Variants in GIT2 observed in about 807,000 individuals in gnomAD.
GIT2 encodes ARF GTPase-activating protein GIT2.
A neutral mutation model predicts 100.3 loss-of-function variants in GIT2; 32 were observed. That is an observed-to-expected ratio of 0.32 (90% CI 0.24 to 0.43). The LOEUF (loss-of-function observed/expected upper bound fraction) is 0.43. Among genes scored for constraint, GIT2 ranks in the 20% least tolerant of loss-of-function variants. GIT2 has a pLI of 1.00. For missense variants in GIT2, 737 were observed against 975.1 expected, an observed-to-expected ratio of 0.76 and a Z score of 3.25; for synonymous variants, 353 against 364.1, an observed-to-expected ratio of 0.97 and a Z score of 0.35.
Position 109,948,149 on chromosome 12 carries a change from C to T in GIT2, c.1393-645G>A. On this transcript the variant is annotated intron_variant, in intron 14 of 19. Coordinates refer to ENST00000355312, the MANE Select transcript of GIT2 (RefSeq NM_057169.5). The surrounding 1 kb of genome is among the most constrained non-coding windows in gnomAD (Gnocchi z 4.3). ...AAAAAAAAAAAGAAAAAAGAGAAAA[C>T]CGGATCATGGTAAGTTTGCTATATT... 1 of 964,780 alleles carries T rather than the reference C, an allele frequency of 1.0e-6. No homozygotes were observed. The highest frequency in any genetic ancestry group is 1.2e-6 in the Non-Finnish European group (1 of 811,370). The allele number at this position is 964,780 out of a possible 1,614,324, so 59.8% of individuals were successfully genotyped here.
In GIT2 at chr12:109,947,555, A is replaced by G; in HGVS notation, c.1393-51T>C. 2 of 1,555,690 alleles carry G rather than the reference A, an allele frequency of 1.3e-6. No individual in the cohort carries two copies. Among genetic ancestry groups the G allele is most frequent in the Admixed American group, 1.8e-5 (1 of 57,046 alleles). Reference sequence around the variant, plus strand: ...CTGTGTTTTTTTACAGCAAGCAGAAAAAGCAAACACCAAGTAAATGAATAC... The same window carrying G: ...CTGTGTTTTTTTACAGCAAGCAGAAGAAGCAAACACCAAGTAAATGAATAC... On this transcript the variant is annotated intron_variant, in intron 14 of 19. Transcript: ENST00000355312. This position sits in a 1 kb window ranked among gnomAD's most constrained non-coding sequence, Gnocchi z 4.3.
chr12:109,998,655 A>C (rs375842463), upstream of GIT2: 40 of 152,314 alleles, frequency 2.6e-4, 1 homozygote, highest in African/African-American at 8.9e-4. Flanking sequence ...CAAATCCAAA[A>C]AGCTAGCTTA....
At chr12:109,974,215 C>T (rs778388368) in intron 7 of GIT2, among the ~76,000 whole-genome samples, 2 of 152,000 alleles carry the variant, frequency 1.3e-5, no homozygotes, top group East Asian at 3.9e-4. Context: ...CCTCTTAGAT[C>T]GATGGATTAG....
In GIT2 at chr12:109,932,760, A is replaced by G. The variant is rs1871866030; in HGVS notation, c.*218T>C. 1.2e-5 allele frequency: 6 copies of G among 519,682 alleles called. No homozygotes were observed. The highest frequency in any genetic ancestry group is 1.1e-4 in the South Asian group (5 of 43,508). 32.2% of individuals were successfully genotyped at this position (519,682 alleles called of 1,614,324 possible). On this transcript the variant is annotated 3_prime_UTR_variant, in exon 20 of 20. Transcript: ENST00000355312. ...GTTGTTGACAACACAACCGAACATC[A>G]GAAACTAAACCAGCAAATAGGCACA...
intron 3 of GIT2, 21 bp from the exon 4 acceptor site, chr12:109,989,089 A>G (rs770027898): frequency 2.1e-6 from 3 of 1,402,928 alleles, no homozygotes; most frequent in Admixed American, 3.3e-5. Flanking sequence ...AACAAAAAAG[A>G]AAACAGTTCA....
rs536575022 is a variant in GIT2, at chr12:109,994,064, G to A, written c.52+2109C>T. Among the ~76,000 whole-genome samples the A allele has an allele frequency of 6.5e-5, 8 of 122,594 alleles. No homozygotes were observed. In the East Asian group the frequency reaches 1.8e-3, roughly 27 times the overall value. 80.4% of individuals were successfully genotyped at this position (122,594 alleles called of 152,430 possible). On this transcript the variant is annotated intron_variant, in intron 1 of 19. Transcript: ENST00000355312. ...ACACTGCTTCCTGCAGTATAGTACT[G>A]ACACTAATGGCAAAAAAAAAAAAAA...
Position 109,938,404 on chromosome 12 carries a change from G to C in GIT2, c.1979C>G (p.Ala660Gly). The C allele has an allele frequency of 6.2e-7, 1 of 1,613,452 alleles. No homozygotes were observed. Among genetic ancestry groups the C allele is most frequent in the Non-Finnish European group, 8.5e-7 (1 of 1,179,596 alleles). The stretch of plus-strand genomic sequence containing the variant: ...CCTGTCATGTTTATTTTCTTGGGCT[G>C]CTCTTAAGAGCTCCTGTATGTTTTT... ...ITKNIQELLRAAQENKHDSYI... is the reference protein window; with the variant it reads ...ITKNIQELLRGAQENKHDSYI... Residue 660 changes from alanine (A) to glycine (G), a missense_variant, in exon 18 of 20, where the codon GCA becomes GGA. By Grantham distance (60) the Ala-to-Gly change is moderately conservative. This residue lies in a region of GIT2 where 451 missense variants were observed against 543.7 expected (regional missense o/e 0.83). Transcript: ENST00000355312.
chr12:109,941,979 C>T (rs1204179760), intron 16 of GIT2, among the ~76,000 whole-genome samples: 1 of 152,018 alleles, frequency 6.6e-6, no homozygotes, highest in African/African-American at 2.4e-5. Flanking sequence ...CCCGTGCCAC[C>T]ACGCTTGGCT....
chr12:109,974,830 A>G (rs561426723), intron 7 of GIT2, among the ~76,000 whole-genome samples: 32 of 152,290 alleles, frequency 2.1e-4, no homozygotes, highest in Admixed American at 1.4e-3. Context: ...TTTTCTATCT[A>G]CTAGTTCTAT....
chr12:109,941,865 G>T (rs1006052302), intron 16 of GIT2, among the ~76,000 whole-genome samples: 2 of 149,010 alleles, frequency 1.3e-5, no homozygotes, highest in East Asian at 3.9e-4. Flanking sequence ...TCACTCTGTC[G>T]CCTAGGCTAA....
chr12:109,988,124 G>A (rs1045380928), intron 4 of GIT2, among the ~76,000 whole-genome samples: 3 of 152,054 alleles, frequency 2.0e-5, no homozygotes, highest in Non-Finnish European at 4.4e-5. Context: ...CTATTTCAAA[G>A]TTAAACAAAC....
Position 109,959,915 on chromosome 12 carries a change from G to A in GIT2, c.1031C>T (p.Thr344Met), listed in dbSNP as rs749372501. Residue 344 changes from threonine (T) to methionine (M), a missense_variant, in exon 12 of 20, where the codon ACG becomes ATG. This residue lies in a region of GIT2 where 451 missense variants were observed against 543.7 expected (regional missense o/e 0.83). Transcript: ENST00000355312. ...LARFNAHEFATLVIDILSDAK... is the reference protein window; with the variant it reads ...LARFNAHEFAMLVIDILSDAK... The stretch of plus-strand genomic sequence containing the variant: ...GTCACTGAGAATGTCAATGACCAGC[G>A]TGGCAAACTCATGGGCGTTGAACCG... The A allele has an allele frequency of 8.1e-6, 13 of 1,613,874 alleles. No individual in the cohort carries two copies. Among genetic ancestry groups the A allele is most frequent in the East Asian group, 4.5e-5 (2 of 44,878 alleles).
intron 7 of GIT2, among the ~76,000 whole-genome samples, chr12:109,977,546 G>A (rs1054994961): frequency 1.3e-5 from 2 of 150,972 alleles, no homozygotes; most frequent in African/African-American, 4.9e-5. Context: ...TATTCTGGCT[G>A]GGTGAGGTGG....
chr12:109,964,567 C>T (rs1465741456), intron 9 of GIT2, among the ~76,000 whole-genome samples: 1 of 148,920 alleles, frequency 6.7e-6, no homozygotes, highest in Non-Finnish European at 1.5e-5. Flanking sequence ...AGCAGGATTC[C>T]TGGAAGAGGA....
Position 109,947,331 on chromosome 12 carries a change from C to T in GIT2, c.1566G>A (p.Gln522=). The part of the protein sequence containing the change: ...PMSMYETGSG[Q]KPYLPMGEAS... ...CTTCTCCCATTGGGAGATATGGTTT[C>T]TGACCTGATCCGGTCTCGTACATGG... is the stretch of plus-strand genomic sequence containing the variant. The change falls in exon 15 of 20, where the codon CAG becomes CAA. Residue 522 remains glutamine, a synonymous_variant. Coordinates refer to ENST00000355312, the MANE Select transcript of GIT2 (RefSeq NM_057169.5). This position sits in a 1 kb window ranked among gnomAD's most constrained non-coding sequence, Gnocchi z 4.3. 4 of 1,614,134 alleles carry T rather than the reference C, an allele frequency of 2.5e-6. No homozygotes were observed. The highest frequency in any genetic ancestry group is 2.2e-5 in the South Asian group (2 of 91,080).
intron 8 of GIT2, among the ~76,000 whole-genome samples, chr12:109,966,276 G>C (rs112185422): frequency 0.51 from 4,048 of 7,914 alleles, 187 homozygotes; most frequent in African/African-American, 0.52. Context: ...TTACAGGTGT[G>C]AGCCACTGCC....
At chr12:109,941,858 C>A (rs1874832303) in intron 16 of GIT2, among the ~76,000 whole-genome samples, 1 of 151,176 alleles carries the variant, frequency 6.6e-6, no homozygotes, top group Non-Finnish European at 1.5e-5. Context: ...CAGGGTCTCA[C>A]TCTGTCGCCT....
At position 109,961,634 on chromosome 12, in the gene GIT2, C is replaced by G; in HGVS notation, c.868G>C (p.Asp290His). 1 of 1,607,594 alleles carries G rather than the reference C, an allele frequency of 6.2e-7. No individual in the cohort carries two copies. The highest frequency in any genetic ancestry group is 1.1e-5 in the South Asian group (1 of 90,924). The change falls in exon 10 of 20, where the codon GAC becomes CAC. Residue 290 changes from aspartate to histidine, a missense_variant. Asp to His is a moderately conservative substitution (Grantham distance 81). Transcript: ENST00000355312. ...TCACCTGCATCCGTCTCTCGCCTGTCAACTTCATCGTACACATCCATGGCA... is the reference window on the plus strand; with the variant it reads ...TCACCTGCATCCGTCTCTCGCCTGTGAACTTCATCGTACACATCCATGGCA... ...ELAMDVYDEVDRRETDAVWLA... is the reference protein window; with the variant it reads ...ELAMDVYDEVHRRETDAVWLA...
rs568904999 is a variant in GIT2, at chr12:109,932,883, G to T, written c.*95C>A. ...AAAAAGTTTTAAACCGTCATTAAAT[G>T]TTTCTTTTTGTAGAAATCTGAAGAG... On this transcript the variant is annotated 3_prime_UTR_variant, in exon 20 of 20. Transcript: ENST00000355312. 2.7e-6 allele frequency: 2 copies of T among 751,252 alleles called. No homozygotes were observed. The highest frequency in any genetic ancestry group is 4.4e-5 in the Admixed American group (2 of 45,216). 46.5% of individuals were successfully genotyped at this position (751,252 alleles called of 1,614,324 possible). A position where few individuals can be genotyped will look rare whatever the true frequency, so the allele number is the denominator to read the frequency against.
Sources: gnomAD v4.1 joint callset for allele counts (sites outside exome capture counted in the v4.1 genomes callset) on GRCh38, gnomAD v4.1.1 for gene constraint, gnomAD v4.1.1 regional missense constraint, Gnocchi (gnomAD v3.1) non-coding constraint, MANE v1.5 for transcripts, NCBI Gene and HGNC (gene_info 2026-07-23, HGNC 2026-07-21) for gene names.